The following LPP variants were observed in gnomAD, a reference collection of about 807,000 sequenced individuals.
LPP encodes the protein lipoma-preferred partner.
LPP carries 38 observed loss-of-function variants against 60.4 expected under a neutral mutation model. The ratio of observed to expected loss-of-function variants is 0.63; its 90% CI spans 0.49 to 0.83. The LOEUF is 0.83. Among genes scored for constraint, LPP ranks in the 40% least tolerant of loss-of-function variants. The pLI is 0.00. For missense variants in LPP, 902 were observed against 783.6 expected, an observed-to-expected ratio of 1.15 and a Z score of -1.80; for synonymous variants, 328 against 290.8, an observed-to-expected ratio of 1.13 and a Z score of -1.30.
chr3:188,195,635 A>T (rs1455697515), intron 1 of LPP, among the ~76,000 whole-genome samples: 1 of 152,382 alleles, frequency 6.6e-6, no homozygotes, highest in South Asian at 2.1e-4. Flanking sequence ...ATGTGCCGTT[A>T]AGTATAACAC....
chr3:188,335,842 ATTACCTCTT>A (rs1761475229), intron 2 of LPP, among the ~76,000 whole-genome samples: 2 of 152,150 alleles, frequency 1.3e-5, no homozygotes, highest in African/African-American at 4.8e-5. Flanking sequence ...CGGTGGAACA[ATTACCTCTT>A]CTATACAAAC....
At chr3:188,811,391 C>T (rs1750942762) in intron 9 of LPP, among the ~76,000 whole-genome samples, 1 of 151,632 alleles carries the variant, frequency 6.6e-6, no homozygotes, top group South Asian at 2.1e-4. Context: ...CACACGCACA[C>T]ACGCTCAAAG....
chr3:188,213,151 T>G (rs1711963555), intron 1 of LPP: 1 of 152,154 alleles, frequency 6.6e-6, no homozygotes, highest in Non-Finnish European at 1.5e-5. Context: ...CTGGAAGGGA[T>G]GTCGGGATGT....
At chr3:188,872,358 A>G (rs1240992274) in intron 10 of LPP, among the ~76,000 whole-genome samples, 1 of 152,206 alleles carries the variant, frequency 6.6e-6, no homozygotes, top group Non-Finnish European at 1.5e-5. Flanking sequence ...TGCATTCAGA[A>G]TCTATCTAAA....
intron 6 of LPP, among the ~76,000 whole-genome samples, chr3:188,545,348 T>C (rs184270113): frequency 1.3e-5 from 2 of 151,906 alleles, no homozygotes. Flanking sequence ...ATTATTAATG[T>C]GTAGGTTGAG....
At chr3:188,577,595 T>C (rs1834922458) in intron 6 of LPP, among the ~76,000 whole-genome samples, 1 of 151,440 alleles carries the variant, frequency 6.6e-6, no homozygotes, top group African/African-American at 2.4e-5. Flanking sequence ...TTTATATAAG[T>C]ATATGTATGT....
chr3:188,195,049 A>C (rs113448564), intron 1 of LPP, among the ~76,000 whole-genome samples: 2 of 152,298 alleles, frequency 1.3e-5, no homozygotes, highest in African/African-American at 4.8e-5. Context: ...ACCTGAGATC[A>C]GGAGTTCAAG....
At position 188,882,905 on chromosome 3, in the gene LPP, A is replaced by AT. The variant is rs572530977; in HGVS notation, c.*8434dup. 6 of 181,118 alleles carry AT rather than the reference A, an allele frequency of 3.3e-5. No individual in the cohort carries two copies. Among genetic ancestry groups the AT allele is most frequent in the South Asian group, 2.0e-4 (1 of 5,074 alleles). The allele number at this position is 181,118 out of a possible 1,614,324, so 11.2% of individuals were successfully genotyped here. A position where few individuals can be genotyped will look rare whatever the true frequency, so the allele number is the denominator to read the frequency against. On this transcript the variant is annotated 3_prime_UTR_variant, in exon 12 of 12. Coordinates refer to ENST00000617246, the MANE Select transcript of LPP (RefSeq NM_001375462.1). ...AGACGCCCGCCACCGCGCCCAGCTA[A>AT]TTTTTTTTGTACTTTTAGTAGAGAC...
In LPP at chr3:188,609,967, C is replaced by T; in HGVS notation, c.1113+123C>T. 2 of 942,384 alleles carry T rather than the reference C, an allele frequency of 2.1e-6. No homozygotes were observed. The highest frequency in any genetic ancestry group is 3.5e-5 in the South Asian group (2 of 57,590). 58.4% of individuals were successfully genotyped at this position (942,384 alleles called of 1,614,324 possible). A position where few individuals can be genotyped will look rare whatever the true frequency, so the allele number is the denominator to read the frequency against. ...CTTTTATTTCACTGACAAATACAAT[C>T]CCAGGGAAGGATGAGTGAAGCCAGA... On this transcript the variant is annotated intron_variant, in intron 7 of 11. Coordinates refer to ENST00000617246, the MANE Select transcript of LPP (RefSeq NM_001375462.1). This position sits in a 1 kb window ranked among gnomAD's most constrained non-coding sequence, Gnocchi z 6.9.
intron 8 of LPP, among the ~76,000 whole-genome samples, chr3:188,753,784 AGT>A (rs1729015672): frequency 6.6e-6 from 1 of 151,792 alleles, no homozygotes; most frequent in African/African-American, 2.4e-5. Context: ...GGTGTGTGTG[AGT>A]GTGTATATGT....
At chr3:188,680,098 G>GA (rs1423965330) in intron 7 of LPP, among the ~76,000 whole-genome samples, 1 of 152,074 alleles carries the variant, frequency 6.6e-6, no homozygotes, top group Non-Finnish European at 1.5e-5. Context: ...GTTTTATTTT[G>GA]AAAAATTGCT....
At chr3:188,608,220 T>A (rs907102733) in intron 6 of LPP, among the ~76,000 whole-genome samples, 7 of 152,200 alleles carry the variant, frequency 4.6e-5, no homozygotes, top group Admixed American at 1.3e-4. Context: ...TAAGTTCAGA[T>A]AACATGTTAC....
intron 4 of LPP, among the ~76,000 whole-genome samples, chr3:188,426,146 G>A (rs186016290): frequency 6.5e-4 from 95 of 147,192 alleles, no homozygotes; most frequent in African/African-American, 2.5e-3. Flanking sequence ...ATTGTGACAT[G>A]TTGTGTCTTT....
intron 8 of LPP, among the ~76,000 whole-genome samples, chr3:188,716,847 G>C (rs535970892): frequency 6.6e-6 from 1 of 152,250 alleles, no homozygotes; most frequent in Admixed American, 6.5e-5. Flanking sequence ...AACATTTTGT[G>C]ACTTAGGCAC....
chr3:188,860,462 T>C (rs1764912405), intron 9 of LPP, among the ~76,000 whole-genome samples: 1 of 151,934 alleles, frequency 6.6e-6, no homozygotes, highest in Non-Finnish European at 1.5e-5. Flanking sequence ...GCACACGGAG[T>C]AAGTGGATGA....
At chr3:188,343,664 A>G (rs886688527) in intron 3 of LPP, among the ~76,000 whole-genome samples, 1 of 152,178 alleles carries the variant, frequency 6.6e-6, no homozygotes, top group Non-Finnish European at 1.5e-5. Context: ...AAGCCCTGAA[A>G]GGTTACAAAA....
At chr3:188,213,090 A>C (rs1189355024) in intron 1 of LPP, 1 of 152,206 alleles carries the variant, frequency 6.6e-6, no homozygotes, top group Non-Finnish European at 1.5e-5. Flanking sequence ...AGTTGGGTAG[A>C]AAGACAATTT....
intron 2 of LPP, among the ~76,000 whole-genome samples, chr3:188,239,280 T>C (rs1438998946): frequency 6.6e-6 from 1 of 152,230 alleles, no homozygotes; most frequent in Admixed American, 6.5e-5. Context: ...TTACTTGTTT[T>C]CCACATGCAA....
chr3:188,352,889 T>G lies in LPP; in HGVS notation c.-10+11170T>G, dbSNP rs997771061. Among the ~76,000 whole-genome samples the G allele has an allele frequency of 6.6e-6, 1 of 152,156 alleles. No homozygotes were observed. Among genetic ancestry groups the G allele is most frequent in the African/African-American group, 2.4e-5 (1 of 41,454 alleles). ...AGAAGCCCAGAGTAAATGGCCAAGG[T>G]GCCACTAACATGTCCATCCACAGAA... On this transcript the variant is annotated intron_variant, in intron 3 of 11. Transcript: ENST00000617246. This position sits in a 1 kb window ranked among gnomAD's most constrained non-coding sequence, Gnocchi z 4.4.
Sources: allele counts gnomAD v4.1 joint callset (sites outside exome capture counted in the v4.1 genomes callset), GRCh38; gene constraint gnomAD v4.1.1; non-coding constraint Gnocchi (gnomAD v3.1); transcripts MANE v1.5; gene names NCBI Gene and HGNC (gene_info 2026-07-23, HGNC 2026-07-21).